The following NME7 variants were observed in gnomAD, a reference collection of about 807,000 sequenced individuals.
The protein encoded by NME7 is NME/NM23 family member 7, also known as nucleoside diphosphate kinase 7.
Under a neutral mutation model 49.1 loss-of-function variants are expected in NME7, and 41 were observed. The ratio of observed to expected loss-of-function variants is 0.83; its 90% CI spans 0.65 to 1.08. The LOEUF (loss-of-function observed/expected upper bound fraction) is 1.08. Ranked by LOEUF, NME7 falls within the 50% of genes least tolerant of loss-of-function variation. NME7 has a pLI of 0.00. For missense variants in NME7, 423 were observed against 463.4 expected (o/e 0.91, Z 0.80); for synonymous variants, 139 against 150.6 (o/e 0.92, Z 0.56).
chr1:169,359,259 T>C (rs1308064414), intron 1 of NME7, among the ~76,000 whole-genome samples: 2 of 152,144 alleles, frequency 1.3e-5, no homozygotes, highest in Non-Finnish European at 2.9e-5. Context: ...TTTTTATTTG[T>C]ATTTTTTATC....
chr1:169,301,359 A>G (rs1286666347), intron 5 of NME7, among the ~76,000 whole-genome samples: 1 of 152,208 alleles, frequency 6.6e-6, no homozygotes, highest in Non-Finnish European at 1.5e-5. Flanking sequence ...AATGCAAATC[A>G]AAACCACAAT....
intron 3 of NME7, 113 bp from the exon 4 acceptor site, chr1:169,310,193 T>G (rs568907208): frequency 1.5e-6 from 1 of 668,196 alleles, no homozygotes; most frequent in East Asian, 3.1e-5. Context: ...AAATTTGAAA[T>G]TAATTGTATA....
chr1:169,321,965 A>G (rs1214100513), intron 3 of NME7, among the ~76,000 whole-genome samples: 1 of 152,186 alleles, frequency 6.6e-6, no homozygotes, highest in Non-Finnish European at 1.5e-5. Context: ...AAACCATACA[A>G]AGTATAAGCT....
intron 3 of NME7, among the ~76,000 whole-genome samples, chr1:169,315,693 G>A (rs1293978336): frequency 6.6e-6 from 1 of 152,070 alleles, no homozygotes. Context: ...AATTCAGCTA[G>A]ATTCCAATAC....
At chr1:169,246,366 G>T (rs1648313728) in intron 7 of NME7, among the ~76,000 whole-genome samples, 3 of 152,042 alleles carry the variant, frequency 2.0e-5, no homozygotes, top group Admixed American at 6.6e-5. Flanking sequence ...TGTTAAATTG[G>T]GAACCAGTAA....
intron 10 of NME7, among the ~76,000 whole-genome samples, chr1:169,211,829 C>T (rs2101794287): frequency 6.6e-6 from 1 of 152,242 alleles, no homozygotes; most frequent in South Asian, 2.1e-4. Context: ...ATTTGAATTA[C>T]ATCTTCTGCT....
intron 10 of NME7, among the ~76,000 whole-genome samples, chr1:169,182,276 A>C (rs1659952490): frequency 6.6e-6 from 1 of 152,010 alleles, no homozygotes; most frequent in African/African-American, 2.4e-5. Context: ...GGCCTCCCAA[A>C]GTGCTGGGAT....
chr1:169,281,705 G>C (rs1478325657), intron 7 of NME7, among the ~76,000 whole-genome samples: 1 of 151,638 alleles, frequency 6.6e-6, no homozygotes, highest in Non-Finnish European at 1.5e-5. Context: ...CATCTATTGA[G>C]GTATGTGTTT....
intron 10 of NME7, among the ~76,000 whole-genome samples, chr1:169,208,517 G>A (rs1231723154): frequency 1.3e-5 from 2 of 152,066 alleles, no homozygotes. Flanking sequence ...AGAAAAAATG[G>A]CTGTTAACAG....
Position 169,290,694 on chromosome 1 carries a change from T to C in NME7, c.649-3286A>G, listed in dbSNP as rs573745592. On this transcript the variant is annotated intron_variant, in intron 6 of 11. Transcript: ENST00000367811. ...CTAATTAAACTAAAAAGCTTCTGCA[T>C]AGCAAAAGAGAAATTATCATCAGAG... Among the ~76,000 whole-genome samples the C allele has an allele frequency of 8.5e-5, 13 of 152,094 alleles. No individual in the cohort carries two copies. In the South Asian group the frequency reaches 2.3e-3, roughly 27 times the overall value.
intron 10 of NME7, among the ~76,000 whole-genome samples, chr1:169,206,115 A>G (rs12080100): frequency 0.31 from 46,744 of 151,680 alleles, 7,756 homozygotes; most frequent in Non-Finnish European, 0.39. Context: ...CCCCTGCTTT[A>G]TTTTCCCCTA....
rs1651976932 is a variant in NME7 at position 169,324,447 on chromosome 1, T to C, written c.57A>G (p.Ser19=). 3.7e-6 allele frequency: 6 copies of C among 1,613,460 alleles called. No homozygotes were observed. Among genetic ancestry groups the C allele is most frequent in the Non-Finnish European group, 5.1e-6 (6 of 1,179,550 alleles). The change falls in exon 2 of 12, where the codon TCA becomes TCG. Residue 19 remains serine, a synonymous_variant. Coordinates refer to ENST00000367811, the MANE Select transcript of NME7 (RefSeq NM_013330.5). Reference sequence around the variant, plus strand: ...ATAAAAGCTCATAACGTCGAAGAAGTGAAGCATTTGGATCATACCACTCTG... The same window carrying C: ...ATAAAAGCTCATAACGTCGAAGAAGCGAAGCATTTGGATCATACCACTCTG... ...FIAEWYDPNA[S]LLRRYELLFY...
At chr1:169,253,933 A>C (rs986690759) in intron 7 of NME7, among the ~76,000 whole-genome samples, 9 of 150,256 alleles carry the variant, frequency 6.0e-5, no homozygotes, top group African/African-American at 2.2e-4. Context: ...ATGGTGGATA[A>C]GCTTTTTGAT....
chr1:169,354,785 G>T (rs1653321431), intron 1 of NME7, among the ~76,000 whole-genome samples: 1 of 135,846 alleles, frequency 7.4e-6, no homozygotes, highest in South Asian at 2.2e-4. Context: ...ATATATATGT[G>T]TGTGCACATA....
chr1:169,145,632 A>T (rs1297006745), intron 11 of NME7, among the ~76,000 whole-genome samples: 2 of 152,214 alleles, frequency 1.3e-5, no homozygotes, highest in Non-Finnish European at 2.9e-5. Context: ...TAATGACAGA[A>T]TGGGAGATAT....
chr1:169,238,519 T>C (rs1377867502), intron 7 of NME7, among the ~76,000 whole-genome samples: 2 of 127,506 alleles, frequency 1.6e-5, no homozygotes, highest in African/African-American at 3.1e-5. Flanking sequence ...ACACACACCA[T>C]ATTCTGGATC....
At chr1:169,316,602 CAT>C (rs1231308955) in intron 3 of NME7, among the ~76,000 whole-genome samples, 1 of 152,144 alleles carries the variant, frequency 6.6e-6, no homozygotes, top group African/African-American at 2.4e-5. Flanking sequence ...AATCTCATCA[CAT>C]GAGTCCCTAA....
chr1:169,259,239 C>T (rs1649084721), intron 7 of NME7, among the ~76,000 whole-genome samples: 1 of 132,694 alleles, frequency 7.5e-6, no homozygotes, highest in South Asian at 2.3e-4. Flanking sequence ...TATATGCCTC[C>T]CAATCATGAC....
chr1:169,284,825 T>C (rs532371594), intron 7 of NME7: 1 of 152,270 alleles, frequency 6.6e-6, no homozygotes, highest in South Asian at 2.1e-4. Flanking sequence ...CCCAGCTATA[T>C]GTGCAATTAT....
Sources: gnomAD v4.1 joint callset for allele counts (sites outside exome capture counted in the v4.1 genomes callset) on GRCh38, gnomAD v4.1.1 for gene constraint, MANE v1.5 for transcripts, NCBI Gene and HGNC (gene_info 2026-07-23, HGNC 2026-07-21) for gene names.